ZNF236: variants seen among roughly 807,000 people sequenced by gnomAD.
The protein encoded by ZNF236 is regulated by glucose.
ZNF236 carries 50 observed loss-of-function variants against 191.2 expected under a neutral mutation model. The observed-to-expected ratio is 0.26, with a 90% CI of 0.21 to 0.33. ZNF236 has a LOEUF of 0.33. Ranked by LOEUF, ZNF236 falls within the 10% of genes least tolerant of loss-of-function variation. ZNF236 has a pLI of 1.00. For missense variants in ZNF236, 1,754 were observed against 2,374.5 expected, an observed-to-expected ratio of 0.74 and a Z score of 5.43; for synonymous variants, 907 against 928.8, an observed-to-expected ratio of 0.98 and a Z score of 0.43.
At chr18:76,891,881 T>C (rs1977246680) in intron 9 of ZNF236, among the ~76,000 whole-genome samples, 1 of 152,208 alleles carries the variant, frequency 6.6e-6, no homozygotes, top group African/African-American at 2.4e-5. Context: ...GTGTTCTGAG[T>C]GTACTTTGAT....
chr18:76,881,725 G>A (rs755348107), intron 9 of ZNF236, among the ~76,000 whole-genome samples: 36 of 152,162 alleles, frequency 2.4e-4, no homozygotes, highest in Non-Finnish European at 4.0e-4. Context: ...CTTCTTTCCT[G>A]TATTCAGTTT....
intron 10 of ZNF236, among the ~76,000 whole-genome samples, chr18:76,896,862 C>G (rs1355366584): frequency 2.6e-5 from 4 of 151,412 alleles, no homozygotes; most frequent in African/African-American, 9.7e-5. Flanking sequence ...CTGCACACAG[C>G]TACTGCACAT....
At position 76,910,862 on chromosome 18, in the gene ZNF236, G is replaced by T. The variant is rs370317856; in HGVS notation, c.2805+51G>T. ...CATGGCAGTATTTAGCAGGTGCTATGTTATTCTTCACTGTCATTATTAAAA... is the reference window on the plus strand; with the variant it reads ...CATGGCAGTATTTAGCAGGTGCTATTTTATTCTTCACTGTCATTATTAAAA... On this transcript the variant is annotated intron_variant, in intron 16 of 30. Transcript: ENST00000320610. 241 of 1,585,384 alleles carry T rather than the reference G, an allele frequency of 1.5e-4. No homozygotes were observed. In the African/African-American group the frequency reaches 3.1e-3, roughly 20 times the overall value.
intron 3 of ZNF236, among the ~76,000 whole-genome samples, chr18:76,857,416 G>T (rs941289619): frequency 6.6e-6 from 1 of 152,166 alleles, no homozygotes; most frequent in Non-Finnish European, 1.5e-5. Flanking sequence ...CCGTGGTTTT[G>T]TGAAGTCAGC....
chr18:76,891,878 G>C (rs117264616), intron 9 of ZNF236, among the ~76,000 whole-genome samples: 4 of 152,028 alleles, frequency 2.6e-5, no homozygotes, highest in African/African-American at 9.7e-5. Flanking sequence ...CAAGTGTTCT[G>C]AGTGTACTTT....
At chr18:76,862,854 A>G (rs1215519026) in intron 3 of ZNF236, among the ~76,000 whole-genome samples, 6 of 152,220 alleles carry the variant, frequency 3.9e-5, no homozygotes, top group Non-Finnish European at 5.9e-5. Context: ...TAGGACACAG[A>G]CACGAGCCAG....
At chr18:76,954,413 G>C (rs563304432) in intron 27 of ZNF236, among the ~76,000 whole-genome samples, 1 of 152,144 alleles carries the variant, frequency 6.6e-6, no homozygotes, top group African/African-American at 2.4e-5. Context: ...ATAACTACAG[G>C]TTTTTGTTTG....
chr18:76,959,388 T>G (rs1968605954), intron 28 of ZNF236, among the ~76,000 whole-genome samples: 1 of 152,162 alleles, frequency 6.6e-6, no homozygotes, highest in African/African-American at 2.4e-5. Context: ...GCCCTTGGTC[T>G]CGGTTAAAGC....
chr18:76,886,733 G>A (rs943171679), intron 9 of ZNF236: 6 of 153,586 alleles, frequency 3.9e-5, no homozygotes, highest in Non-Finnish European at 8.7e-5. Context: ...TCAAAGATAG[G>A]GTCTTCATCA....
intron 1 of ZNF236, among the ~76,000 whole-genome samples, chr18:76,832,442 ATT>A (rs5826481): frequency 8.5e-5 from 12 of 140,698 alleles, no homozygotes; most frequent in Admixed American, 1.4e-4. Flanking sequence ...AAAGGTCAGG[ATT>A]TTTTTTTTTT....
rs1313579618 is a variant in ZNF236 at position 76,919,718 on chromosome 18, C to CT, written c.3275-57dup. On this transcript the variant is annotated intron_variant, in intron 19 of 30. Transcript: ENST00000320610. The surrounding 1 kb of genome is among the most constrained non-coding windows in gnomAD (Gnocchi z 5.3). ...TACCTATTTAGTTTTAATTGTTTTGCTAAAAACCTAGGTTTTCTTCATTAC... is the reference window on the plus strand; with the variant it reads ...TACCTATTTAGTTTTAATTGTTTTGCTTAAAAACCTAGGTTTTCTTCATTAC... The CT allele has an allele frequency of 1.3e-6, 2 of 1,581,620 alleles. No homozygotes were observed. Among genetic ancestry groups the CT allele is most frequent in the African/African-American group, 2.7e-5 (2 of 73,794 alleles).
At chr18:76,834,033 A>G (rs1331032747) in intron 1 of ZNF236, among the ~76,000 whole-genome samples, 1 of 152,080 alleles carries the variant, frequency 6.6e-6, no homozygotes, top group Admixed American at 6.6e-5. Context: ...TTTCTTTAGT[A>G]TATATAAGAC....
At chr18:76,835,680 G>A (rs935946088) in intron 1 of ZNF236, among the ~76,000 whole-genome samples, 10 of 152,084 alleles carry the variant, frequency 6.6e-5, no homozygotes, top group Non-Finnish European at 1.5e-4. Flanking sequence ...ATCCTTATAT[G>A]TAAGTTATAT....
chr18:76,884,535 G>A (rs1265947915), intron 9 of ZNF236, among the ~76,000 whole-genome samples: 3 of 152,180 alleles, frequency 2.0e-5, no homozygotes, highest in Non-Finnish European at 4.4e-5. Context: ...TATTGTGTGT[G>A]GAAACTTTTC....
At position 76,908,470 on chromosome 18, in the gene ZNF236, G is replaced by T. The variant is rs1161369295; in HGVS notation, c.2448G>T (p.Ala816=). 6.2e-7 allele frequency: 1 copy of T among 1,614,054 alleles called. No homozygotes were observed. The highest frequency in any genetic ancestry group is 8.5e-7 in the Non-Finnish European group (1 of 1,180,056). ...ELPQTAEVVA[A]NPEAMLDLEP... ...CGCAGACGGCAGAGGTGGTCGCAGC[G>T]AACCCCGAGGCCATGCTGGACCTGG... The change falls in exon 14 of 31, where the codon GCG becomes GCT. Residue 816 remains alanine (A), a synonymous_variant. Coordinates refer to ENST00000320610, the MANE Select transcript of ZNF236 (RefSeq NM_001306089.2).
chr18:76,958,990 A>G (rs895885866), intron 28 of ZNF236, among the ~76,000 whole-genome samples: 4 of 152,218 alleles, frequency 2.6e-5, no homozygotes, highest in African/African-American at 9.6e-5. Flanking sequence ...TGCTTCTGCA[A>G]TTTTGGAAAA....
chr18:76,842,751 CAA>C (rs547978801), intron 1 of ZNF236, among the ~76,000 whole-genome samples: 15 of 123,044 alleles, frequency 1.2e-4, no homozygotes, highest in Non-Finnish European at 1.0e-4. Flanking sequence ...AACTCTGTCT[CAA>C]AAAAAAAAAA....
At chr18:76,908,988 T>C (rs1012686034) in intron 14 of ZNF236, among the ~76,000 whole-genome samples, 1 of 149,416 alleles carries the variant, frequency 6.7e-6, no homozygotes, top group African/African-American at 2.5e-5. Context: ...TGTGTGTGTG[T>C]GTGTGTGTGT....
In ZNF236 at chr18:76,928,072, G is replaced by A. The variant is rs780890022; in HGVS notation, c.4560G>A (p.Ser1520=). ...QAAGPTATSS[S]GSPQEITLTI... ...CTGGGCCCACTGCCACGTCTTCCTC[G>A]GGGTCTCCACAGGAAATTACCCTGA... The change falls in exon 25 of 31, where the codon TCG becomes TCA. Residue 1520 remains serine, a synonymous_variant. Transcript: ENST00000320610. 2 of 1,612,690 alleles carry A rather than the reference G, an allele frequency of 1.2e-6. No individual in the cohort carries two copies. The highest frequency in any genetic ancestry group is 1.1e-5 in the South Asian group (1 of 90,848).
Sources: gnomAD v4.1 joint callset for allele counts (sites outside exome capture counted in the v4.1 genomes callset) on GRCh38, gnomAD v4.1.1 for gene constraint, Gnocchi (gnomAD v3.1) non-coding constraint, MANE v1.5 for transcripts, NCBI Gene and HGNC (gene_info 2026-07-23, HGNC 2026-07-21) for gene names.